The following SRCAP variants were observed in gnomAD, a reference collection of about 807,000 sequenced individuals.
SRCAP encodes chromatin remodeling protein SRCAP.
In SRCAP, 46 loss-of-function variants were observed where a neutral mutation model predicts 263.1. That is an observed-to-expected ratio of 0.17 (90% CI 0.14 to 0.22). The LOEUF (loss-of-function observed/expected upper bound fraction) is 0.22. SRCAP is among the 10% of genes least tolerant of loss of function. The probability of loss-of-function intolerance (pLI) is 1.00; values close to 1 mark genes in which losing one functional copy is unlikely to be tolerated. For missense variants in SRCAP, 3,695 were observed against 4,181.9 expected, an observed-to-expected ratio of 0.88 and a Z score of 3.21; for synonymous variants, 1,813 against 1,662.1, an observed-to-expected ratio of 1.09 and a Z score of -2.21.
Position 30,728,996 on chromosome 16 carries a change from CG to C in SRCAP, c.5691del (p.Ser1898LeufsTer69). On this transcript the variant is annotated frameshift_variant, in exon 26 of 34. Coordinates refer to ENST00000262518, the MANE Select transcript of SRCAP (RefSeq NM_006662.3). LOFTEE classifies it high-confidence loss of function. ...CCTGGAGGAAAAGCGGAAGCGGCAG[CG>C]GTCTGAACGCCTGGAACGGATTTTC... is the stretch of plus-strand genomic sequence containing the variant. ...DSLEEKRKRQ[R>X]SERLERIFQL... 1 of 1,613,736 alleles carries C rather than the reference CG, an allele frequency of 6.2e-7. No individual in the cohort carries two copies. Among genetic ancestry groups the C allele is most frequent in the Non-Finnish European group, 8.5e-7 (1 of 1,179,692 alleles).
intron 3 of SRCAP, among the ~76,000 whole-genome samples, chr16:30,702,571 C>CTCCCTCCCTCCCTCCCTTCCCTGCCT (rs1397085249): frequency 2.6e-5 from 3 of 113,868 alleles, no homozygotes; most frequent in African/African-American, 3.4e-5. Context: ...CCTCCCTTCC[C>CTCCCTCCCTCCCTCCCTTCCCTGCCT]TCCCTCCCTC....
Position 30,709,635 on chromosome 16 carries a change from C to T in SRCAP, c.756C>T (p.Asn252=). 1.2e-6 allele frequency: 2 copies of T among 1,614,196 alleles called. No homozygotes were observed. Among genetic ancestry groups the T allele is most frequent in the African/African-American group, 1.3e-5 (1 of 75,048 alleles). The change falls in exon 7 of 34, where the codon AAC becomes AAT. Residue 252 remains asparagine (N), a synonymous_variant. Coordinates refer to ENST00000262518, the MANE Select transcript of SRCAP (RefSeq NM_006662.3). ...CGGACCTTCTGTCTCAGAGCCTCAA[C>T]CAGCCATTAACCTCCAGCAAAGCAG... The part of the protein sequence containing the change: ...KYSDLLSQSL[N]QPLTSSKAGS...
At chr16:30,726,865 C>T (rs559274216) in intron 25 of SRCAP, among the ~76,000 whole-genome samples, 6 of 152,230 alleles carry the variant, frequency 3.9e-5, no homozygotes, top group Admixed American at 6.5e-5. Context: ...CCACGCCTGG[C>T]TAATTTTTTT....
chr16:30,722,153 C>G lies in SRCAP; in HGVS notation c.3573C>G (p.Ala1191=), dbSNP rs764070746. ...SGEVVSIGQL[A]SLAQRPVANA... ...AAGTGGTCAGCATCGGGCAGTTAGC[C>G]TCACTGGCACAACGTCCAGTGGCTA... The change falls in exon 22 of 34, where the codon GCC becomes GCG. Residue 1191 remains alanine, a synonymous_variant. Coordinates refer to ENST00000262518, the MANE Select transcript of SRCAP (RefSeq NM_006662.3). 1 of 1,614,064 alleles carries G rather than the reference C, an allele frequency of 6.2e-7. No homozygotes were observed.
chr16:30,720,870 C>T lies in SRCAP; in HGVS notation c.3145C>T (p.Leu1049=). 1 of 1,614,122 alleles carries T rather than the reference C, an allele frequency of 6.2e-7. No homozygotes were observed. The highest frequency in any genetic ancestry group is 8.5e-7 in the Non-Finnish European group (1 of 1,180,024). The change falls in exon 20 of 34, where the codon CTG becomes TTG. Residue 1049 remains leucine, a synonymous_variant. Coordinates refer to ENST00000262518, the MANE Select transcript of SRCAP (RefSeq NM_006662.3). ...GPVPQVLPAS[L]MVSASPAGPP... ...AGTCCCCCAAGTGCTGCCAGCATCACTGATGGTTTCAGCCTCACCTGCCGG... is the reference window on the plus strand; with the variant it reads ...AGTCCCCCAAGTGCTGCCAGCATCATTGATGGTTTCAGCCTCACCTGCCGG...
At position 30,739,922 on chromosome 16, in the gene SRCAP, C is replaced by A; in HGVS notation, c.*189C>A. The A allele has an allele frequency of 1.1e-6, 1 of 901,304 alleles. No individual in the cohort carries two copies. The highest frequency in any genetic ancestry group is 1.6e-6 in the Non-Finnish European group (1 of 644,768). The allele number at this position is 901,304 out of a possible 1,614,324, so 55.8% of individuals were successfully genotyped here. The stretch of plus-strand genomic sequence containing the variant: ...CATGGAAATGGGGATCATCACAGTC[C>A]CCTTCCCCTTCACCCCACGTGGCTG... On this transcript the variant is annotated 3_prime_UTR_variant, in exon 34 of 34. Transcript: ENST00000262518.
chr16:30,720,742 G>A lies in SRCAP; in HGVS notation c.3017G>A (p.Gly1006Asp). 6.2e-7 allele frequency: 1 copy of A among 1,611,124 alleles called. No individual in the cohort carries two copies. Among genetic ancestry groups the A allele is most frequent in the Non-Finnish European group, 8.5e-7 (1 of 1,178,338 alleles). Reference sequence around the variant, plus strand: ...CTGCAGCCAGTACCTAAGCAAGAAGGCCGGACAGTGGTGGTGGTGAACAAC... The same window carrying A: ...CTGCAGCCAGTACCTAAGCAAGAAGACCGGACAGTGGTGGTGGTGAACAAC... ...RMLQPVPKQE[G>D]RTVVVVNNPR... Residue 1006 changes from glycine (G) to aspartate (D), a missense_variant, in exon 20 of 34, where the codon GGC becomes GAC. Gly to Asp is a moderately conservative substitution (Grantham distance 94). Transcript: ENST00000262518.
Position 30,720,771 on chromosome 16 carries a change from C to T in SRCAP, c.3046C>T (p.Arg1016Trp), listed in dbSNP as rs774692829. The T allele has an allele frequency of 7.4e-6, 12 of 1,613,746 alleles. No homozygotes were observed. The highest frequency in any genetic ancestry group is 1.3e-5 in the African/African-American group (1 of 74,914). Residue 1016 changes from arginine (R) to tryptophan (W), a missense_variant, in exon 20 of 34, where the codon CGG (arginine) becomes TGG (tryptophan). Physicochemically the swap from Arg to Trp is moderately radical, Grantham distance 101 (BLOSUM62 -3). This residue lies in a region of SRCAP where 1,347 missense variants were observed against 1,304.4 expected (regional missense o/e 1.03). Transcript: ENST00000262518. The stretch of plus-strand genomic sequence containing the variant: ...GACAGTGGTGGTGGTGAACAACCCA[C>T]GGGCGCCCCTGGGCCCTGTCCCAGT... ...GRTVVVVNNP[R>W]APLGPVPVRP...
rs187716198 is a variant in SRCAP, at chr16:30,710,431, C to T, written c.1134+303C>T. The T allele has an allele frequency of 4.3e-4, 290 of 674,262 alleles. No homozygotes were observed. In the African/African-American group the frequency reaches 4.6e-3, roughly 11 times the overall value. The allele number at this position is 674,262 out of a possible 1,614,324, so 41.8% of individuals were successfully genotyped here. A position where few individuals can be genotyped will look rare whatever the true frequency, so the allele number is the denominator to read the frequency against. On this transcript the variant is annotated intron_variant, in intron 8 of 33. Coordinates refer to ENST00000262518, the MANE Select transcript of SRCAP (RefSeq NM_006662.3). ...CTTCTCTGAACATGCCCTAATGTTC[C>T]CTTATTGGCTTACAGGTTGGAAGCT...
At chr16:30,730,142 C>A (rs2053099642) in intron 27 of SRCAP, among the ~76,000 whole-genome samples, 1 of 152,192 alleles carries the variant, frequency 6.6e-6, no homozygotes, top group Non-Finnish European at 1.5e-5. Flanking sequence ...GAACATGTTA[C>A]ATTTTGCTAA....
At position 30,723,129 on chromosome 16, in the gene SRCAP, A is replaced by C. The variant is rs1479838868; in HGVS notation, c.4059A>C (p.Leu1353=). 2 of 1,613,832 alleles carry C rather than the reference A, an allele frequency of 1.2e-6. No individual in the cohort carries two copies. The highest frequency in any genetic ancestry group is 1.7e-6 in the Non-Finnish European group (2 of 1,179,998). ...GCCCCACGTTAACCCCTGGCCGGCT[A>C]CCCACACCTACTCTGGGTACTGCTC... The part of the protein sequence containing the change: ...NPRPTLTPGR[L]PTPTLGTARA... The change falls in exon 24 of 34, where the codon CTA becomes CTC. Residue 1353 remains leucine, a synonymous_variant. Transcript: ENST00000262518.
At chr16:30,732,592 T>G (rs904285209) in intron 27 of SRCAP, among the ~76,000 whole-genome samples, 7 of 152,242 alleles carry the variant, frequency 4.6e-5, no homozygotes, top group African/African-American at 1.7e-4. Flanking sequence ...TGACCTTAAA[T>G]CCCTGTCTGT....
At chr16:30,712,841 C>T in intron 14 of SRCAP, 26 bp downstream of exon 14, 1 of 1,611,780 alleles carries the variant, frequency 6.2e-7, no homozygotes, top group Non-Finnish European at 8.5e-7. Flanking sequence ...TGGTCACTTT[C>T]CTCCCATTGA....
At chr16:30,703,549 T>C (rs2052792629) in intron 3 of SRCAP, among the ~76,000 whole-genome samples, 1 of 151,954 alleles carries the variant, frequency 6.6e-6, no homozygotes, top group African/African-American at 2.4e-5. Flanking sequence ...GACATAATTC[T>C]TGCATGTCAA....
chr16:30,724,842 G>A lies in SRCAP; in HGVS notation c.5418G>A (p.Leu1806=). The A allele has an allele frequency of 6.2e-7, 1 of 1,613,958 alleles. No homozygotes were observed. The highest frequency in any genetic ancestry group is 8.5e-7 in the Non-Finnish European group (1 of 1,179,904). ...TGGGCCCGGCCGCAGCTCAGACCTTGGCGCTGGCCCCAGCCTCCACACAGT... is the reference window on the plus strand; with the variant it reads ...TGGGCCCGGCCGCAGCTCAGACCTTAGCGCTGGCCCCAGCCTCCACACAGT... ...PTLGPAAAQT[L]ALAPASTQSP... The change falls in exon 25 of 34, where the codon TTG becomes TTA. Residue 1806 remains leucine (L), a synonymous_variant. Coordinates refer to ENST00000262518, the MANE Select transcript of SRCAP (RefSeq NM_006662.3).
Position 30,712,354 on chromosome 16 carries a change from G to A in SRCAP, c.1908G>A (p.Lys636=), listed in dbSNP as rs2151288694. Residue 636 remains lysine (K), a synonymous_variant, in exon 13 of 34, where the codon AAG becomes AAA. Transcript: ENST00000262518. The part of the protein sequence containing the change: ...LDWLVTMYEK[K]LNGILADEMG... ...GGCTGGTTACCATGTATGAGAAGAA[G>A]CTTAATGGCATTCTTGCTGATGAGA... 3 of 1,613,542 alleles carry A rather than the reference G, an allele frequency of 1.9e-6. No homozygotes were observed. Among genetic ancestry groups the A allele is most frequent in the Non-Finnish European group, 2.5e-6 (3 of 1,179,714 alleles).
rs201556806 is a variant in SRCAP at position 30,711,609 on chromosome 16, G to C, written c.1357G>C (p.Gly453Arg). The change falls in exon 11 of 34, where the codon GGA becomes CGA. Residue 453 changes from glycine to arginine, a missense_variant. Physicochemically the swap from Gly to Arg is moderately radical, Grantham distance 125 (BLOSUM62 -2). Transcript: ENST00000262518. ...SMEELLQQYA[G>R]AYAPGSGSSE... ...GGAGGAGCTATTGCAGCAGTATGCA[G>C]GAGCCTATGCCCCAGGCTCTGGGAG... The C allele has an allele frequency of 6.2e-7, 1 of 1,611,596 alleles. No homozygotes were observed. Among genetic ancestry groups the C allele is most frequent in the African/African-American group, 1.3e-5 (1 of 74,798 alleles).
At chr16:30,722,333 GTC>G (rs777197794) in intron 22 of SRCAP, 47 bp downstream of exon 22, 8 of 1,582,772 alleles carry the variant, frequency 5.1e-6, no homozygotes, top group Non-Finnish European at 6.9e-6. Context: ...CCTCTTCCCT[GTC>G]TCTTTGTTTT....
rs1252345092 is a variant in SRCAP at position 30,700,567 on chromosome 16, C to T, written c.-209-49C>T. ...GGTTTTTTAAAAATACTTTTTCATC[C>T]CCTTTAACTGCATTTCTGTCTTTTT... is the stretch of plus-strand genomic sequence containing the variant. On this transcript the variant is annotated intron_variant, in intron 2 of 33. Transcript: ENST00000262518. The T allele has an allele frequency of 2.1e-5, 8 of 385,120 alleles. No homozygotes were observed. The Admixed American group carries it at 2.1e-4, about 10-fold the overall frequency. 23.9% of individuals were successfully genotyped at this position (385,120 alleles called of 1,614,324 possible).
Sources: allele counts gnomAD v4.1 joint callset (sites outside exome capture counted in the v4.1 genomes callset), GRCh38; gene constraint gnomAD v4.1.1; regional missense constraint gnomAD v4.1.1; transcripts MANE v1.5; gene names NCBI Gene and HGNC (gene_info 2026-07-23, HGNC 2026-07-21).